CS: variants seen among roughly 807,000 people sequenced by gnomAD.
The protein encoded by CS is citrate synthase, mitochondrial.
Under a neutral mutation model 61.4 loss-of-function variants are expected in CS, and 13 were observed. The ratio of observed to expected loss-of-function variants is 0.21; its 90% CI spans 0.14 to 0.34. CS has a LOEUF of 0.34. Among genes scored for constraint, CS ranks in the 10% least tolerant of loss-of-function variants. The probability of loss-of-function intolerance (pLI) is 1.00; values close to 1 mark genes in which losing one functional copy is unlikely to be tolerated. For synonymous variants in CS, 159 were observed against 215.2 expected (o/e 0.74, Z 2.29); for missense variants, 278 against 573.4 (o/e 0.48, Z 5.26).
At chr12:56,287,479 C>CAAAAA (rs61199207) in intron 1 of CS, among the ~76,000 whole-genome samples, 15 of 44,734 alleles carry the variant, frequency 3.4e-4, no homozygotes, top group East Asian at 1.9e-3. Context: ...AAGACTCTGT[C>CAAAAA]AAAAAAAAAA....
chr12:56,282,753 T>C (rs1872812163), intron 5 of CS, 107 bp downstream of exon 5: 2 of 1,563,696 alleles, frequency 1.3e-6, no homozygotes, highest in South Asian at 1.2e-5. Context: ...ATTCCTTCCC[T>C]TCACTACGCA....
At chr12:56,284,897 CAA>C (rs71081341) in intron 3 of CS, among the ~76,000 whole-genome samples, 6,121 of 99,902 alleles carry the variant, frequency 0.061, 189 homozygotes, top group Non-Finnish European at 0.091. Flanking sequence ...GACTCCGTCC[CAA>C]AAAAAAAAAA....
At chr12:56,275,391 G>T in intron 7 of CS, 2 of 380,518 alleles carry the variant, frequency 5.3e-6, no homozygotes, top group Non-Finnish European at 4.9e-6. Flanking sequence ...TGGCCAACAT[G>T]GTGAAACCCC....
intron 1 of CS, among the ~76,000 whole-genome samples, chr12:56,294,580 T>C (rs1225993064): frequency 6.6e-6 from 1 of 151,882 alleles, no homozygotes; most frequent in Non-Finnish European, 1.5e-5. Context: ...AAGTCTATTT[T>C]TGTTTTTTGA....
chr12:56,296,597 A>G (rs1307901991), intron 1 of CS, among the ~76,000 whole-genome samples: 1 of 152,228 alleles, frequency 6.6e-6, no homozygotes, highest in Admixed American at 6.5e-5. Flanking sequence ...AAGTATTGAC[A>G]CAGGGCAGAA....
chr12:56,300,037 G>A, intron 1 of CS, 123 bp downstream of exon 1: 1 of 925,466 alleles, frequency 1.1e-6, no homozygotes, highest in East Asian at 3.0e-5. Flanking sequence ...GGCCAGCCAA[G>A]CGCAGGGCCC....
chr12:56,282,338 G>A, intron 6 of CS, 82 bp downstream of exon 6: 3 of 1,160,920 alleles, frequency 2.6e-6, no homozygotes, highest in Non-Finnish European at 3.6e-6. Context: ...TTTTTCTAAA[G>A]ATTCTGTATT....
chr12:56,297,997 C>A (rs958873100), intron 1 of CS, among the ~76,000 whole-genome samples: 2 of 151,864 alleles, frequency 1.3e-5, no homozygotes, highest in Non-Finnish European at 1.5e-5. Context: ...CTACCCCCCC[C>A]GCCCTTTTTT....
At chr12:56,285,553 G>A (rs1872915970) in intron 3 of CS, among the ~76,000 whole-genome samples, 1 of 152,190 alleles carries the variant, frequency 6.6e-6, no homozygotes, top group African/African-American at 2.4e-5. Context: ...CTCCCAAAAT[G>A]TTGGGATAAT....
chr12:56,286,908 G>C (rs1382596067), intron 1 of CS, among the ~76,000 whole-genome samples: 2 of 152,188 alleles, frequency 1.3e-5, no homozygotes, highest in Non-Finnish European at 2.9e-5. Context: ...GGGCTCCAGA[G>C]CAGGGCGGTT....
intron 1 of CS, among the ~76,000 whole-genome samples, chr12:56,289,047 A>G (rs1295284609): frequency 6.6e-6 from 1 of 152,126 alleles, no homozygotes; most frequent in Non-Finnish European, 1.5e-5. Flanking sequence ...CAAACGAGGA[A>G]CACCTCAACT....
intron 1 of CS, among the ~76,000 whole-genome samples, chr12:56,299,652 G>T (rs1337764314): frequency 6.6e-6 from 1 of 152,196 alleles, no homozygotes; most frequent in African/African-American, 2.4e-5. Context: ...GTCACCGAAG[G>T]CTTAAATAAT....
chr12:56,282,629 C>A (rs199775872), intron 5 of CS, 21 bp from the exon 6 acceptor site: 1 of 1,590,008 alleles, frequency 6.3e-7, no homozygotes, highest in Non-Finnish European at 8.6e-7. Context: ...AGAGACAGTG[C>A]TCAGAACACC....
intron 6 of CS, among the ~76,000 whole-genome samples, chr12:56,280,996 T>C (rs369363936): frequency 3.3e-5 from 5 of 152,174 alleles, no homozygotes; most frequent in Admixed American, 6.6e-5. Context: ...CAAATTAATA[T>C]TGACCAACTA....
intron 6 of CS, among the ~76,000 whole-genome samples, chr12:56,279,697 C>T (rs558803854): frequency 5.9e-5 from 9 of 151,476 alleles, no homozygotes; most frequent in Admixed American, 6.6e-5. Flanking sequence ...ACCAGGGAGG[C>T]GGAGCTTGCA....
intron 1 of CS, among the ~76,000 whole-genome samples, chr12:56,295,120 G>T (rs1373316465): frequency 2.6e-5 from 4 of 151,258 alleles, no homozygotes; most frequent in African/African-American, 9.7e-5. Context: ...AAGAGACAAG[G>T]TCTTGCTATG....
At chr12:56,293,934 C>T (rs1338858740) in intron 1 of CS, among the ~76,000 whole-genome samples, 2 of 152,164 alleles carry the variant, frequency 1.3e-5, no homozygotes, top group Non-Finnish European at 2.9e-5. Flanking sequence ...AACTTGCATT[C>T]AGAGAACACG....
intron 1 of CS, chr12:56,298,684 C>CT (rs983081111): frequency 6.1e-6 from 6 of 985,404 alleles, no homozygotes; most frequent in Non-Finnish European, 7.2e-6. Context: ...GTACTTGCCA[C>CT]TGGGTGCCTG....
At chr12:56,281,074 C>G (rs554515009) in intron 6 of CS, among the ~76,000 whole-genome samples, 6 of 152,340 alleles carry the variant, frequency 3.9e-5, no homozygotes, top group Admixed American at 3.9e-4. Context: ...TCTTCTGTGT[C>G]TTGCACCACA....
Sources: allele counts gnomAD v4.1 joint callset (sites outside exome capture counted in the v4.1 genomes callset), GRCh38; gene constraint gnomAD v4.1.1; transcripts MANE v1.5; gene names NCBI Gene and HGNC (gene_info 2026-07-23, HGNC 2026-07-21).